The following ACCSL variants were observed in gnomAD, a reference collection of about 807,000 sequenced individuals.
The protein encoded by ACCSL is 1-aminocyclopropane-1-carboxylate synthase homolog (inactive) like.
A neutral mutation model predicts 61.7 loss-of-function variants in ACCSL; 55 were observed. The ratio of observed to expected loss-of-function variants is 0.89; its 90% CI spans 0.72 to 1.12. ACCSL has a LOEUF of 1.12. ACCSL is among the 50% of genes most tolerant of loss of function. The pLI, the probability that ACCSL is intolerant of heterozygous loss-of-function variation, is 0.00. For missense variants in ACCSL, 632 were observed against 698.0 expected, an observed-to-expected ratio of 0.91 and a Z score of 1.07; for synonymous variants, 258 against 264.3, an observed-to-expected ratio of 0.98 and a Z score of 0.23.
chr11:44,016,445 G>C, the ACCSL span, among the ~76,000 whole-genome samples: 1 of 152,162 alleles, frequency 6.6e-6, no homozygotes, highest in African/African-American at 2.4e-5. Context: ...TGCTCAGCTA[G>C]ACTACAACAG....
At chr11:43,948,910 G>C in the ACCSL span, among the ~76,000 whole-genome samples, 1 of 152,220 alleles carries the variant, frequency 6.6e-6, no homozygotes. Flanking sequence ...GCTGCTCCCT[G>C]CAAACATATG....
chr11:43,941,122 C>G, the ACCSL span, among the ~76,000 whole-genome samples: 1 of 152,200 alleles, frequency 6.6e-6, no homozygotes, highest in Non-Finnish European at 1.5e-5. Flanking sequence ...CATGGCCATA[C>G]TAAGCACTTA....
At chr11:43,993,628 G>T in the ACCSL span, among the ~76,000 whole-genome samples, 1 of 152,094 alleles carries the variant, frequency 6.6e-6, no homozygotes, top group African/African-American at 2.4e-5. Context: ...CAGCCTCCTG[G>T]ACGCCCCTTG....
the ACCSL span, among the ~76,000 whole-genome samples, chr11:44,011,649 G>A: frequency 6.6e-6 from 1 of 152,166 alleles, no homozygotes; most frequent in African/African-American, 2.4e-5. Flanking sequence ...CACATATGCA[G>A]TCAGTTTTTC....
chr11:44,006,724 C>T, the ACCSL span, among the ~76,000 whole-genome samples: 2 of 151,854 alleles, frequency 1.3e-5, no homozygotes, highest in South Asian at 2.1e-4. Flanking sequence ...CGGCTGGTCT[C>T]GAACTCCTGA....
chr11:43,937,074 C>T, the ACCSL span, among the ~76,000 whole-genome samples: 2 of 152,152 alleles, frequency 1.3e-5, no homozygotes, highest in Admixed American at 6.5e-5. Flanking sequence ...TACCCTAGTC[C>T]CCAGCCTCAG....
chr11:43,981,798 C>T, the ACCSL span, among the ~76,000 whole-genome samples: 2 of 152,208 alleles, frequency 1.3e-5, no homozygotes, highest in Non-Finnish European at 2.9e-5. Flanking sequence ...CCCAAGCCAC[C>T]TTTGGTCAAG....
the ACCSL span, among the ~76,000 whole-genome samples, chr11:43,982,093 C>T: frequency 1.2e-4 from 18 of 152,112 alleles, no homozygotes; most frequent in African/African-American, 4.3e-4. Context: ...GAGCCCAAGC[C>T]TCACCCAGGC....
chr11:43,960,197 G>A, the ACCSL span, among the ~76,000 whole-genome samples: 5 of 152,136 alleles, frequency 3.3e-5, no homozygotes, highest in Non-Finnish European at 7.3e-5. Context: ...CTTATTGTCT[G>A]TCATATGTGT....
At chr11:43,926,433 G>A in the ACCSL span, 4 of 439,456 alleles carry the variant, frequency 9.1e-6, no homozygotes, top group Admixed American at 7.9e-5. Context: ...GTTCTTGCAG[G>A]CCACTTTCAA....
the ACCSL span, among the ~76,000 whole-genome samples, chr11:43,948,431 G>A: frequency 6.6e-6 from 1 of 152,160 alleles, no homozygotes; most frequent in Non-Finnish European, 1.5e-5. Context: ...CTTGACCAAT[G>A]CTACACAGAT....
the ACCSL span, among the ~76,000 whole-genome samples, chr11:43,954,568 G>T: frequency 6.7e-6 from 1 of 150,240 alleles, no homozygotes; most frequent in African/African-American, 2.5e-5. Context: ...TGCCATGTTG[G>T]CTGTTTCTTT....
At chr11:43,984,134 C>T in the ACCSL span, among the ~76,000 whole-genome samples, 2 of 151,922 alleles carry the variant, frequency 1.3e-5, no homozygotes, top group African/African-American at 4.8e-5. Flanking sequence ...AAAAAAACTG[C>T]CTTGCAAAGA....
intron 8 of ACCSL, among the ~76,000 whole-genome samples, 171 bp from the exon 9 acceptor site, chr11:44,055,031 C>G (rs1284079216): frequency 2.0e-5 from 3 of 152,168 alleles, no homozygotes; most frequent in African/African-American, 7.2e-5. Context: ...CCTTACTATG[C>G]CCCTTGGAGG....
the ACCSL span, among the ~76,000 whole-genome samples, chr11:43,936,887 C>G: frequency 1.9e-3 from 292 of 152,200 alleles, no homozygotes; most frequent in African/African-American, 6.5e-3. Flanking sequence ...CCCACCCCCC[C>G]CTCCTGCCCT....
the ACCSL span, among the ~76,000 whole-genome samples, chr11:43,976,189 T>C: frequency 1.3e-5 from 2 of 152,184 alleles, no homozygotes; most frequent in African/African-American, 4.8e-5. Flanking sequence ...TTAAAGCTGA[T>C]GTTGTAATGG....
chr11:44,027,164 A>T, the ACCSL span, among the ~76,000 whole-genome samples: 1 of 152,198 alleles, frequency 6.6e-6, no homozygotes, highest in African/African-American at 2.4e-5. Flanking sequence ...CTTTGCCAAG[A>T]GGTATTTTGT....
the ACCSL span, among the ~76,000 whole-genome samples, chr11:44,013,332 T>G: frequency 1.3e-5 from 2 of 152,188 alleles, no homozygotes; most frequent in Non-Finnish European, 2.9e-5. Context: ...GGAGCTGGAG[T>G]GCAGTGGCGC....
At chr11:43,930,626 A>G in the ACCSL span, among the ~76,000 whole-genome samples, 1 of 152,180 alleles carries the variant, frequency 6.6e-6, no homozygotes, top group Non-Finnish European at 1.5e-5. Flanking sequence ...ACCAGAGCCA[A>G]GCAGATGCTA....
Sources: allele counts gnomAD v4.1 joint callset (sites outside exome capture counted in the v4.1 genomes callset), GRCh38; gene constraint gnomAD v4.1.1; transcripts MANE v1.5; gene names NCBI Gene and HGNC (gene_info 2026-07-23, HGNC 2026-07-21).